Variants in CENPP observed in about 807,000 individuals in gnomAD.
CENPP encodes the protein centromere protein P.
In CENPP, 24 loss-of-function variants were observed where a neutral mutation model predicts 35.6. That is an observed-to-expected ratio of 0.67 (90% CI 0.49 to 0.95). The LOEUF (loss-of-function observed/expected upper bound fraction) is 0.95, where lower values mean the gene tolerates loss of function less well. Among genes scored for constraint, CENPP ranks in the 40% least tolerant of loss-of-function variants. CENPP has a pLI of 0.00. For missense variants in CENPP, 332 were observed against 345.3 expected (o/e 0.96, Z 0.31); for synonymous variants, 120 against 125.5 (o/e 0.96, Z 0.29).
intron 4 of CENPP, among the ~76,000 whole-genome samples, chr9:92,370,993 T>C (rs896890720): frequency 2.0e-5 from 3 of 152,196 alleles, no homozygotes; most frequent in African/African-American, 7.2e-5. Flanking sequence ...TCTTCTCTTT[T>C]CTTGGTTAGT....
chr9:92,596,364 T>TA (rs1337533624), intron 5 of CENPP, among the ~76,000 whole-genome samples: 1 of 122,486 alleles, frequency 8.2e-6, no homozygotes, highest in African/African-American at 3.2e-5. Flanking sequence ...TTAAAAGACA[T>TA]AAATGCACAG....
At chr9:92,417,648 T>C (rs896920661) in intron 5 of CENPP, 2 of 804,428 alleles carry the variant, frequency 2.5e-6, no homozygotes, top group Non-Finnish European at 1.9e-6. Flanking sequence ...AAATTCTCAG[T>C]TATATGAAAT....
chr9:92,368,414 T>C (rs1165829776), intron 4 of CENPP, among the ~76,000 whole-genome samples: 4 of 152,252 alleles, frequency 2.6e-5, no homozygotes, highest in Non-Finnish European at 5.9e-5. Flanking sequence ...GCCTGTATTC[T>C]AGCTTCCAAT....
intron 4 of CENPP, among the ~76,000 whole-genome samples, 200 bp downstream of exon 4, chr9:92,345,987 A>G (rs1188916707): frequency 1.3e-5 from 2 of 152,116 alleles, no homozygotes; most frequent in African/African-American, 2.4e-5. Flanking sequence ...CACATTCACT[A>G]TGTGCTGGGT....
chr9:92,415,096 A>C, intron 5 of CENPP: 1 of 1,271,822 alleles, frequency 7.9e-7, no homozygotes, highest in Non-Finnish European at 1.1e-6. Context: ...ACTTAGATTT[A>C]CTATATTAAG....
At chr9:92,491,914 G>C (rs962797254) in intron 5 of CENPP, among the ~76,000 whole-genome samples, 4 of 152,116 alleles carry the variant, frequency 2.6e-5, no homozygotes, top group Admixed American at 6.5e-5. Flanking sequence ...CTGGCCTGAG[G>C]AGCCCTCGTC....
chr9:92,412,083 A>AT (rs1843460059), intron 5 of CENPP, among the ~76,000 whole-genome samples: 1 of 151,812 alleles, frequency 6.6e-6, no homozygotes, highest in Admixed American at 6.6e-5. Context: ...GAATTAATTA[A>AT]TTAATTAATT....
At chr9:92,464,810 A>G in intron 5 of CENPP, 2 of 842,626 alleles carry the variant, frequency 2.4e-6, no homozygotes, top group Non-Finnish European at 4.1e-6. Context: ...TTACTGGTGC[A>G]AAGATTTCTA....
intron 5 of CENPP, chr9:92,496,482 T>C (rs1487292571): frequency 6.2e-7 from 1 of 1,607,622 alleles, no homozygotes. Context: ...GGAAGAATGT[T>C]CCTAAGGAAA....
chr9:92,517,715 C>G (rs1464926344), intron 5 of CENPP: 1 of 1,614,102 alleles, frequency 6.2e-7, no homozygotes, highest in Non-Finnish European at 8.5e-7. Context: ...GGCAGCATTC[C>G]CCTTCAGGTA....
rs1409772602 is a variant in CENPP, at chr9:92,618,107, G to A, written c.*4958G>A. 5 of 391,380 alleles carry A rather than the reference G, an allele frequency of 1.3e-5. No individual in the cohort carries two copies. The East Asian group carries it at 3.6e-4, about 28-fold the overall frequency. 24.2% of individuals were successfully genotyped at this position (391,380 alleles called of 1,614,324 possible). On this transcript the variant is annotated 3_prime_UTR_variant, in exon 8 of 8. Transcript: ENST00000375587. ...CACCACAGTTACTGGAACTTCACAG[G>A]TGCGGCCACTGCGCACACCTTCCTG...
At chr9:92,605,791 AAACTT>A (rs1851061593) in intron 5 of CENPP, among the ~76,000 whole-genome samples, 1 of 152,218 alleles carries the variant, frequency 6.6e-6, no homozygotes, top group Non-Finnish European at 1.5e-5. Flanking sequence ...CAAAAAGAAA[AAACTT>A]AAATTGGATT....
intron 5 of CENPP, among the ~76,000 whole-genome samples, chr9:92,401,438 A>G (rs765936796): frequency 6.6e-6 from 1 of 152,214 alleles, no homozygotes; most frequent in Non-Finnish European, 1.5e-5. Flanking sequence ...GCCAGTAGCT[A>G]CACTCAGTGC....
chr9:92,420,622 G>A (rs1843761681), intron 5 of CENPP, among the ~76,000 whole-genome samples: 1 of 151,842 alleles, frequency 6.6e-6, no homozygotes. Flanking sequence ...CCCCATTATT[G>A]TTTTTGGGTG....
chr9:92,409,968 G>T (rs1843402504), intron 5 of CENPP, among the ~76,000 whole-genome samples: 1 of 152,020 alleles, frequency 6.6e-6, no homozygotes, highest in African/African-American at 2.4e-5. Context: ...ACGGAGTCTT[G>T]CTCAGTCACC....
intron 5 of CENPP, among the ~76,000 whole-genome samples, chr9:92,460,862 A>AC (rs1845082208): frequency 6.6e-6 from 1 of 152,154 alleles, no homozygotes; most frequent in Non-Finnish European, 1.5e-5. Flanking sequence ...ACTTTTTAGT[A>AC]GAGATGGGGT....
rs536927713 is a variant in CENPP at position 92,361,128 on chromosome 9, C to CTTTATTTA, written c.467+15364_467+15371dup. Among the ~76,000 whole-genome samples the CTTTATTTA allele has an allele frequency of 7.2e-3, 1,078 of 150,584 alleles. 11 individuals carry two copies. The highest frequency in any genetic ancestry group is 0.031 in the Middle Eastern group (9 of 292). ...TTAAGTGTGTATTTTTATTATTTTA[C>CTTTATTTA]TTTATTTATTTATTTATTTATTTAT... On this transcript the variant is annotated intron_variant, in intron 4 of 7. Coordinates refer to ENST00000375587, the MANE Select transcript of CENPP (RefSeq NM_001012267.3).
intron 4 of CENPP, among the ~76,000 whole-genome samples, chr9:92,351,662 G>A (rs1841448139): frequency 6.6e-6 from 1 of 151,838 alleles, no homozygotes; most frequent in African/African-American, 2.4e-5. Flanking sequence ...ATGGAGTCTC[G>A]CTCTGTCGCC....
intron 5 of CENPP, chr9:92,505,544 C>T (rs771702093): frequency 2.5e-6 from 4 of 1,598,166 alleles, no homozygotes; most frequent in South Asian, 1.2e-5. Context: ...TCAATAGAAC[C>T]AGGAAGACCC....
Sources: gnomAD v4.1 joint callset for allele counts (sites outside exome capture counted in the v4.1 genomes callset) on GRCh38, gnomAD v4.1.1 for gene constraint, MANE v1.5 for transcripts, NCBI Gene and HGNC (gene_info 2026-07-23, HGNC 2026-07-21) for gene names.